The following NEO1 variants were observed in gnomAD, a reference collection of about 807,000 sequenced individuals.
The protein encoded by NEO1 is neogenin.
NEO1 carries 63 observed loss-of-function variants against 159.7 expected under a neutral mutation model. The ratio of observed to expected loss-of-function variants is 0.39; its 90% CI spans 0.32 to 0.49. The LOEUF is 0.49. Among genes scored for constraint, NEO1 ranks in the 20% least tolerant of loss-of-function variants. NEO1 has a pLI of 0.85. For synonymous variants in NEO1, 633 were observed against 662.0 expected (o/e 0.96, Z 0.67); for missense variants, 1,615 against 1,831.0 (o/e 0.88, Z 2.15).
intron 4 of NEO1, among the ~76,000 whole-genome samples, chr15:73,133,956 T>A (rs1387660337): frequency 6.6e-6 from 1 of 152,214 alleles, no homozygotes; most frequent in Non-Finnish European, 1.5e-5. Flanking sequence ...AATTATTAGA[T>A]ATAAATTACT....
intron 2 of NEO1, among the ~76,000 whole-genome samples, 161 bp from the exon 3 acceptor site, chr15:73,122,364 C>T (rs941101480): frequency 1.3e-5 from 2 of 151,924 alleles, no homozygotes; most frequent in African/African-American, 4.8e-5. Context: ...TACTTATTTG[C>T]CCAGTATCCC....
At chr15:73,081,847 A>G (rs956378294) in intron 1 of NEO1, among the ~76,000 whole-genome samples, 1 of 149,744 alleles carries the variant, frequency 6.7e-6, no homozygotes, top group African/African-American at 2.5e-5. Context: ...ATGAGCCACC[A>G]CACCCAGCCA....
chr15:73,101,231 A>G (rs2070384478), intron 1 of NEO1, among the ~76,000 whole-genome samples: 1 of 152,218 alleles, frequency 6.6e-6, no homozygotes, highest in South Asian at 2.1e-4. Context: ...GTTAGTTTAT[A>G]AGTGTGTTGC....
At chr15:73,268,771 CCATGGTG>C (rs1340674223) in intron 16 of NEO1, among the ~76,000 whole-genome samples, 1 of 152,106 alleles carries the variant, frequency 6.6e-6, no homozygotes, top group Non-Finnish European at 1.5e-5. Flanking sequence ...TGCCCTGGGC[CCATGGTG>C]CATGGTGCTT....
chr15:73,278,613 C>T (rs184514925), intron 22 of NEO1, among the ~76,000 whole-genome samples: 174 of 152,272 alleles, frequency 1.1e-3, no homozygotes, highest in Non-Finnish European at 1.8e-3. Context: ...AAAATTCTTC[C>T]ACTCTCCTAG....
chr15:73,160,182 T>A (rs956977347), intron 5 of NEO1, among the ~76,000 whole-genome samples: 1 of 152,182 alleles, frequency 6.6e-6, no homozygotes, highest in African/African-American at 2.4e-5. Context: ...TCCTCTTGAA[T>A]ATACAAAAAC....
intron 3 of NEO1, among the ~76,000 whole-genome samples, chr15:73,123,543 T>C (rs2071794481): frequency 6.6e-6 from 1 of 152,150 alleles, no homozygotes; most frequent in Non-Finnish European, 1.5e-5. Context: ...ACTCCCCATT[T>C]TAGTGTAAAT....
chr15:73,126,666 CT>C, intron 4 of NEO1, 96 bp downstream of exon 4: 1 of 1,178,632 alleles, frequency 8.5e-7, no homozygotes, highest in Non-Finnish European at 1.2e-6. Flanking sequence ...AGATTATCAA[CT>C]TTATTTAAAC....
intron 8 of NEO1, among the ~76,000 whole-genome samples, chr15:73,239,965 C>T (rs1344885130): frequency 5.3e-5 from 8 of 152,082 alleles, no homozygotes; most frequent in Admixed American, 1.3e-4. Context: ...CCTGGTACAG[C>T]GTCAGTAAGT....
intron 8 of NEO1, among the ~76,000 whole-genome samples, chr15:73,237,127 T>C (rs2039222166): frequency 7.0e-6 from 1 of 142,868 alleles, no homozygotes; most frequent in Non-Finnish European, 1.6e-5. Context: ...AGCCTTTTTT[T>C]CCAGTGTGTC....
At chr15:73,180,081 T>C (rs2035514995) in intron 7 of NEO1, among the ~76,000 whole-genome samples, 1 of 152,168 alleles carries the variant, frequency 6.6e-6, no homozygotes, top group Admixed American at 6.6e-5. Context: ...TTTTAGCAAC[T>C]GAAACATTTT....
At chr15:73,177,976 T>G (rs2035378785) in intron 6 of NEO1, among the ~76,000 whole-genome samples, 1 of 152,230 alleles carries the variant, frequency 6.6e-6, no homozygotes, top group Admixed American at 6.5e-5. Context: ...ATACCTTAAA[T>G]TCACAAATTG....
chr15:73,216,418 C>T (rs957871719), intron 7 of NEO1, among the ~76,000 whole-genome samples: 13 of 152,150 alleles, frequency 8.5e-5, no homozygotes, highest in Admixed American at 8.5e-4. Context: ...TTTATAGCGG[C>T]ATGATTTATA....
At chr15:73,110,291 T>G (rs1240445309) in intron 1 of NEO1, among the ~76,000 whole-genome samples, 2 of 152,172 alleles carry the variant, frequency 1.3e-5, no homozygotes, top group African/African-American at 4.8e-5. Flanking sequence ...AGTGATACTT[T>G]TCTTACAATG....
chr15:73,276,746 G>A (rs147775506), intron 21 of NEO1, among the ~76,000 whole-genome samples: 17 of 152,170 alleles, frequency 1.1e-4, no homozygotes, highest in Non-Finnish European at 2.1e-4. Flanking sequence ...TTGAATATAT[G>A]TATCTCCTGA....
chr15:73,261,727 A>G (rs191105455), intron 15 of NEO1, among the ~76,000 whole-genome samples: 15 of 152,264 alleles, frequency 9.9e-5, no homozygotes, highest in Non-Finnish European at 1.0e-4. Context: ...TAAGGTGACA[A>G]TTCTCCCCAG....
chr15:73,109,601 A>C (rs866149454), intron 1 of NEO1, among the ~76,000 whole-genome samples: 233 of 151,778 alleles, frequency 1.5e-3, no homozygotes, highest in African/African-American at 5.4e-3. Context: ...TTGGGAAGGT[A>C]GTGGCTGTAA....
At chr15:73,157,007 A>G (rs58060856) in intron 5 of NEO1, among the ~76,000 whole-genome samples, 54,626 of 152,090 alleles carry the variant, frequency 0.36, 10,621 homozygotes, top group Admixed American at 0.47. Flanking sequence ...TTGTGTAAGT[A>G]GGACTTACTT....
At chr15:73,154,821 A>C (rs1435612052) in intron 5 of NEO1, among the ~76,000 whole-genome samples, 1 of 152,132 alleles carries the variant, frequency 6.6e-6, no homozygotes, top group African/African-American at 2.4e-5. Context: ...TTTTAAGTGG[A>C]GCTCTTAATC....
Sources: gnomAD v4.1 joint callset for allele counts (sites outside exome capture counted in the v4.1 genomes callset) on GRCh38, gnomAD v4.1.1 for gene constraint, MANE v1.5 for transcripts, NCBI Gene and HGNC (gene_info 2026-07-23, HGNC 2026-07-21) for gene names.